MIB1: variants seen among roughly 807,000 people sequenced by gnomAD.
The protein encoded by MIB1 is E3 ubiquitin-protein ligase MIB1.
A neutral mutation model predicts 124.5 loss-of-function variants in MIB1; 278 were observed. The observed-to-expected ratio is 2.23, with a 90% CI of 2.02 to 2.47. The LOEUF (loss-of-function observed/expected upper bound fraction) is 2.47, where lower values mean the gene tolerates loss of function less well. Ranked by LOEUF, MIB1 falls within the 30% of genes most tolerant of loss-of-function variation. The probability of loss-of-function intolerance (pLI) is 0.00; values close to 1 mark genes in which losing one functional copy is unlikely to be tolerated. For synonymous variants in MIB1, 446 were observed against 429.4 expected (o/e 1.04, Z -0.48); for missense variants, 957 against 1,254.4 (o/e 0.76, Z 3.58).
intron 9 of MIB1, among the ~76,000 whole-genome samples, chr18:21,802,442 T>C (rs1443825507): frequency 6.6e-6 from 1 of 152,128 alleles, no homozygotes; most frequent in Non-Finnish European, 1.5e-5. Flanking sequence ...TCCCACCCTT[T>C]TTCCAAGGTT....
At chr18:21,710,015 T>C (rs1486774845) in intron 1 of MIB1, among the ~76,000 whole-genome samples, 1 of 152,268 alleles carries the variant, frequency 6.6e-6, no homozygotes. Context: ...TTAAAAATAT[T>C]ACCTTTGTGA....
chr18:21,841,969 A>G (rs1205780350), intron 13 of MIB1, among the ~76,000 whole-genome samples: 2 of 151,890 alleles, frequency 1.3e-5, no homozygotes, highest in African/African-American at 4.8e-5. Context: ...TAGACATGAT[A>G]AAGAATTAAG....
In MIB1 at chr18:21,732,611, C is replaced by T. The variant is rs1448069038; in HGVS notation, n.167+27488C>T. ...TGGGATCTTGCTATTCATGACCAGG[C>T]TGGTCATGAATTCCTGGGATCAAGT... On this transcript the variant is annotated intron_variant and non_coding_transcript_variant, in intron 1 of 20. Transcript: ENST00000578646. Among the ~76,000 whole-genome samples the T allele has an allele frequency of 7.2e-5, 11 of 152,166 alleles. No individual in the cohort carries two copies. In the East Asian group the frequency reaches 1.7e-3, roughly 24 times the overall value.
intron 13 of MIB1, among the ~76,000 whole-genome samples, chr18:21,840,310 T>C (rs2042071466): frequency 6.6e-6 from 1 of 151,974 alleles, no homozygotes; most frequent in African/African-American, 2.4e-5. Context: ...ACCACACATA[T>C]AGTCAATTAC....
At position 21,846,965 on chromosome 18, in the gene MIB1, CA is replaced by C. The variant is rs1463825087; in HGVS notation, c.2234del (p.Gln745ArgfsTer22). ...KNTLIMGLGT[Q>X]GAEKKSAASI... ...GCAGTTAATAATGGGACTTGGTACCCAGGGGGCAGAGAAGAAGAGTGCAGCA... is the reference window on the plus strand; with the variant it reads ...GCAGTTAATAATGGGACTTGGTACCCGGGGGCAGAGAAGAAGAGTGCAGCA... On this transcript the variant is annotated frameshift_variant, in exon 16 of 21. Transcript: ENST00000261537. LOFTEE classifies it high-confidence loss of function. The C allele has an allele frequency of 1.2e-6, 2 of 1,613,736 alleles. No homozygotes were observed. The highest frequency in any genetic ancestry group is 1.7e-5 in the Admixed American group (1 of 59,932).
At chr18:21,852,065 T>G (rs530069961) in intron 17 of MIB1, among the ~76,000 whole-genome samples, 24 of 152,320 alleles carry the variant, frequency 1.6e-4, no homozygotes, top group African/African-American at 4.8e-4. Context: ...TTGAACTACT[T>G]TATACATATC....
chr18:21,718,837 G>A (rs1332049468), intron 1 of MIB1, among the ~76,000 whole-genome samples: 7 of 152,072 alleles, frequency 4.6e-5, no homozygotes, highest in Admixed American at 4.6e-4. Flanking sequence ...TATGAGGTGA[G>A]GCCAAGAGTT....
At chr18:21,777,603 G>A (rs1336238213) in intron 4 of MIB1, among the ~76,000 whole-genome samples, 4 of 151,988 alleles carry the variant, frequency 2.6e-5, no homozygotes. Context: ...TGCCCGGGCT[G>A]GAGTGCAGTG....
rs572195185 is a variant in MIB1 at position 21,716,630 on chromosome 18, T to C, written n.167+11507T>C. Among the ~76,000 whole-genome samples the C allele has an allele frequency of 3.3e-5, 5 of 152,284 alleles. No homozygotes were observed. In the East Asian group the frequency reaches 9.6e-4, roughly 29 times the overall value. ...ACTTTGGGAGGCTGAGGTGGGCGGA[T>C]CACGAGGTCAGGAGTTGGAGACCAT... On this transcript the variant is annotated intron_variant and non_coding_transcript_variant, in intron 1 of 20. Transcript: ENST00000578646.
At chr18:21,738,987 A>T (rs1162263412), upstream of MIB1, among the ~76,000 whole-genome samples, 1 of 151,906 alleles carries the variant, frequency 6.6e-6, no homozygotes, top group Non-Finnish European at 1.5e-5. Context: ...AAAAAAATTA[A>T]TGAATCCAGG....
At chr18:21,719,612 AT>A (rs1274166599) in intron 1 of MIB1, among the ~76,000 whole-genome samples, 1,664 of 121,316 alleles carry the variant, frequency 0.014, 17 homozygotes, top group African/African-American at 0.039. Context: ...ACGCTGGGCT[AT>A]TTTTTTTTTT....
intron 1 of MIB1, among the ~76,000 whole-genome samples, chr18:21,710,077 G>C (rs1023778282): frequency 6.6e-6 from 1 of 151,930 alleles, no homozygotes; most frequent in African/African-American, 2.4e-5. Context: ...TAAGACACTT[G>C]CTTAGAATAT....
intron 1 of MIB1, among the ~76,000 whole-genome samples, chr18:21,765,326 A>G (rs146155881): frequency 4.3e-4 from 65 of 152,366 alleles, no homozygotes; most frequent in Non-Finnish European, 6.3e-4. Context: ...GTAAATGCTT[A>G]GGTTAATTGA....
chr18:21,778,217 G>A (rs45617232), intron 5 of MIB1, 48 bp downstream of exon 5: 56 of 1,267,090 alleles, frequency 4.4e-5, no homozygotes, highest in Non-Finnish European at 5.4e-5. Flanking sequence ...GTCAGAGTTC[G>A]TGGAATCAGT....
intron 1 of MIB1, among the ~76,000 whole-genome samples, chr18:21,754,811 G>A (rs1233658833): frequency 3.9e-5 from 6 of 152,180 alleles, no homozygotes; most frequent in Non-Finnish European, 8.8e-5. Flanking sequence ...AGATGGAAAC[G>A]GCACTAAATT....
At chr18:21,755,072 T>G (rs1026422004) in intron 1 of MIB1, among the ~76,000 whole-genome samples, 3 of 151,768 alleles carry the variant, frequency 2.0e-5, no homozygotes, top group Non-Finnish European at 4.4e-5. Flanking sequence ...AAGTCATTTT[T>G]TTTTCATTGT....
intron 18 of MIB1, among the ~76,000 whole-genome samples, chr18:21,855,309 C>T (rs947042050): frequency 6.6e-6 from 1 of 152,160 alleles, no homozygotes; most frequent in Non-Finnish European, 1.5e-5. Context: ...GGTGAAAGTG[C>T]CTTGGCAAGC....
rs887499207 is a variant in MIB1 at position 21,799,938 on chromosome 18, T to C, written c.1335T>C (p.Ala445=). ...LVKAAANGDV[A]KVEDLLKRPD... The stretch of plus-strand genomic sequence containing the variant: ...AGGCTGCTGCCAATGGAGATGTTGC[T>C]AAAGTGGAAGATTTGCTTAAAAGAC... The change falls in exon 9 of 21, where the codon GCT becomes GCC. Residue 445 remains alanine (A), a synonymous_variant. Coordinates refer to ENST00000261537, the MANE Select transcript of MIB1 (RefSeq NM_020774.4). 3 of 1,612,138 alleles carry C rather than the reference T, an allele frequency of 1.9e-6. No individual in the cohort carries two copies. The highest frequency in any genetic ancestry group is 2.7e-5 in the African/African-American group (2 of 74,860).
At chr18:21,846,880 T>TATG in intron 15 of MIB1, 64 bp from the exon 16 acceptor site, 1 of 1,471,228 alleles carries the variant, frequency 6.8e-7, no homozygotes, top group Non-Finnish European at 9.4e-7. Flanking sequence ...CATACATATA[T>TATG]ATGATGACAA....
Sources: allele counts gnomAD v4.1 joint callset (sites outside exome capture counted in the v4.1 genomes callset), GRCh38; gene constraint gnomAD v4.1.1; transcripts MANE v1.5; gene names NCBI Gene and HGNC (gene_info 2026-07-23, HGNC 2026-07-21).